DIP2A: variants seen among roughly 807,000 people sequenced by gnomAD.
DIP2A encodes the protein disco-interacting protein 2 homolog A.
DIP2A carries 85 observed loss-of-function variants against 177.4 expected under a neutral mutation model. The ratio of observed to expected loss-of-function variants is 0.48; its 90% CI spans 0.40 to 0.57. The LOEUF (loss-of-function observed/expected upper bound fraction) is 0.57. Among genes scored for constraint, DIP2A ranks in the 20% least tolerant of loss-of-function variants. DIP2A has a pLI of 0.00. For missense variants in DIP2A, 1,791 were observed against 2,100.2 expected (o/e 0.85, Z 2.88); for synonymous variants, 886 against 881.8 (o/e 1.00, Z -0.08).
At chr21:46,555,730 T>C in intron 28 of DIP2A, 1 of 517,430 alleles carries the variant, frequency 1.9e-6, no homozygotes, top group East Asian at 3.5e-5. Flanking sequence ...GCCTCCCCTC[T>C]TCGCCCTGCC....
intron 15 of DIP2A, 75 bp from the exon 16 acceptor site, chr21:46,538,408 G>T (rs1052884415): frequency 1.3e-6 from 2 of 1,507,514 alleles, no homozygotes; most frequent in Admixed American, 2.0e-5. Flanking sequence ...GTGGGATGAG[G>T]TACACGTGTC....
rs753440126 is a variant in DIP2A at position 46,545,947 on chromosome 21, G to A, written c.2380G>A (p.Gly794Ser). Reference protein sequence around the residue: ...DRPFTRTGLLGFIGPDNLVFI... With the variant: ...DRPFTRTGLLSFIGPDNLVFI... Reference sequence around the variant, plus strand: ...GCCATTCACCAGGACAGGCCTGCTGGGCTTCATCGGGCCTGTGAGTATGTC... The same window carrying A: ...GCCATTCACCAGGACAGGCCTGCTGAGCTTCATCGGGCCTGTGAGTATGTC... The change falls in exon 20 of 38, where the codon GGC (glycine) becomes AGC (serine). Residue 794 changes from glycine to serine, a missense_variant. Transcript: ENST00000417564. 1 of 1,614,000 alleles carries A rather than the reference G, an allele frequency of 6.2e-7. No homozygotes were observed.
At chr21:46,468,707 T>C (rs1410846295) in intron 1 of DIP2A, among the ~76,000 whole-genome samples, 2 of 152,136 alleles carry the variant, frequency 1.3e-5, no homozygotes, top group African/African-American at 4.8e-5. Context: ...AATGTTCTTA[T>C]CACAAACAGG....
At chr21:46,466,324 A>G (rs1452914393) in intron 1 of DIP2A, among the ~76,000 whole-genome samples, 2 of 145,846 alleles carry the variant, frequency 1.4e-5, no homozygotes, top group Non-Finnish European at 3.0e-5. Flanking sequence ...GATAAGAGTT[A>G]TAGATTCTAC....
chr21:46,509,271 A>G lies in DIP2A; in HGVS notation c.799A>G (p.Ser267Gly). ...TCCCGTGACAGGTGTCCCTGTGAAC[A>G]GCAGAGTGTCCTCCAAAATCCAGCA... ...LETADGVPVN[S>G]RVSSKIQQLL... is the part of the protein sequence containing the mutation. The change falls in exon 7 of 38, where the codon AGC (serine) becomes GGC (glycine). Residue 267 changes from serine (S) to glycine (G), a missense_variant. Physicochemically the swap from Ser to Gly is moderately conservative, Grantham distance 56 (BLOSUM62 0). Transcript: ENST00000417564. The G allele has an allele frequency of 6.2e-7, 1 of 1,613,410 alleles. No individual in the cohort carries two copies. The highest frequency in any genetic ancestry group is 8.5e-7 in the Non-Finnish European group (1 of 1,179,652).
chr21:46,567,731 T>A lies in DIP2A; in HGVS notation c.*109T>A, dbSNP rs1052467744. 3.0e-6 allele frequency: 4 copies of A among 1,338,628 alleles called. No individual in the cohort carries two copies. The highest frequency in any genetic ancestry group is 4.0e-6 in the Non-Finnish European group (4 of 993,840). 82.9% of individuals were successfully genotyped at this position (1,338,628 alleles called of 1,614,324 possible). On this transcript the variant is annotated 3_prime_UTR_variant, in exon 38 of 38. Coordinates refer to ENST00000417564, the MANE Select transcript of DIP2A (RefSeq NM_015151.4). ...TCACCGGGACTCGCCCTTCCTGTGC[T>A]CTTACAGATCCCTCTCAACAATCCC...
At chr21:46,541,629 G>A (rs745876588) in intron 17 of DIP2A, 127 bp from the exon 18 acceptor site, 32 of 1,105,032 alleles carry the variant, frequency 2.9e-5, no homozygotes, top group Non-Finnish European at 4.0e-5. Context: ...TAGAACATGC[G>A]TTTCTCACAA....
chr21:46,477,543 T>TTGTGTGTGTGTGTGTG (rs1555874551), intron 1 of DIP2A, among the ~76,000 whole-genome samples: 111 of 87,130 alleles, frequency 1.3e-3, no homozygotes, highest in South Asian at 3.9e-3. Context: ...AAAAAAAGAT[T>TTGTGTGTGTGTGTGTG]TGTGTGTGTG....
chr21:46,492,931 CA>C (rs112638721), intron 3 of DIP2A, among the ~76,000 whole-genome samples: 15 of 135,104 alleles, frequency 1.1e-4, no homozygotes, highest in African/African-American at 3.2e-4. Flanking sequence ...GACTCTGTCT[CA>C]AAAAAAAAAG....
chr21:46,556,065 A>G lies in DIP2A; in HGVS notation c.3472A>G (p.Thr1158Ala). The change falls in exon 29 of 38, where the codon ACC becomes GCC. Residue 1158 changes from threonine to alanine, a missense_variant. Transcript: ENST00000417564. This position sits in a 1 kb window ranked among gnomAD's most constrained non-coding sequence, Gnocchi z 4.5. ...CGCATACTTGGACTTCAGCGTGTCA[A>G]CCACTGGGATATTAGCGGGAGTGAA... is the stretch of plus-strand genomic sequence containing the variant. ...VLAYLDFSVSTTGILAGVKMS... is the reference protein window; with the variant it reads ...VLAYLDFSVSATGILAGVKMS... 2 of 1,613,896 alleles carry G rather than the reference A, an allele frequency of 1.2e-6. No homozygotes were observed. The highest frequency in any genetic ancestry group is 1.3e-5 in the African/African-American group (1 of 75,022).
rs1486823758 is a variant in DIP2A, at chr21:46,556,049, G to A, written c.3456G>A (p.Leu1152=). 6.2e-7 allele frequency: 1 copy of A among 1,613,950 alleles called. No individual in the cohort carries two copies. The part of the protein sequence containing the change: ...RPPSPDVLAY[L]DFSVSTTGIL... The stretch of plus-strand genomic sequence containing the variant: ...CCTCCCCCGATGTCCTCGCATACTT[G>A]GACTTCAGCGTGTCAACCACTGGGA... Residue 1152 remains leucine (L), a synonymous_variant, in exon 29 of 38, where the codon TTG becomes TTA. Coordinates refer to ENST00000417564, the MANE Select transcript of DIP2A (RefSeq NM_015151.4). This position sits in a 1 kb window ranked among gnomAD's most constrained non-coding sequence, Gnocchi z 4.5.
At chr21:46,546,119 TGTG>T in intron 20 of DIP2A, 158 bp downstream of exon 20, 1 of 1,474,404 alleles carries the variant, frequency 6.8e-7, no homozygotes, top group Non-Finnish European at 9.0e-7. Context: ...ACCCTACCTG[TGTG>T]CAGGGCCATC....
rs2058315457 is a variant in DIP2A at position 46,511,568 on chromosome 21, G to C, written c.1056G>C (p.Leu352=). The C allele has an allele frequency of 6.3e-7, 1 of 1,587,540 alleles. No individual in the cohort carries two copies. The highest frequency in any genetic ancestry group is 1.4e-5 in the African/African-American group (1 of 73,670). ...CAACACAGCCCAAATCCCCCTGTCT[G>C]ACTGCCTTGGATACAACTGGGAAAG... ...WGTTQPKSPC[L]TALDTTGKAV... Residue 352 remains leucine, a synonymous_variant, in exon 8 of 38, where the codon CTG becomes CTC. Coordinates refer to ENST00000417564, the MANE Select transcript of DIP2A (RefSeq NM_015151.4).
chr21:46,565,727 C>T lies in DIP2A; in HGVS notation c.4179C>T (p.Ser1393=). 4.3e-6 allele frequency: 7 copies of T among 1,612,400 alleles called. No homozygotes were observed. The highest frequency in any genetic ancestry group is 5.9e-6 in the Non-Finnish European group (7 of 1,179,318). The stretch of plus-strand genomic sequence containing the variant: ...GGGCCCACCAGATCTGGGTAAGCAG[C>T]CCCCACAATGCCACCGGGTACTACA... ...DSHLGEIWVS[S]PHNATGYYTV... Residue 1393 remains serine, a synonymous_variant, in exon 36 of 38, where the codon AGC becomes AGT. Transcript: ENST00000417564.
At chr21:46,534,981 A>C (rs967803970) in intron 13 of DIP2A, among the ~76,000 whole-genome samples, 5 of 152,208 alleles carry the variant, frequency 3.3e-5, no homozygotes, top group Admixed American at 2.6e-4. Flanking sequence ...CATGGAACCT[A>C]TATCCCACTG....
At chr21:46,501,471 G>A (rs1191505684) in intron 5 of DIP2A, among the ~76,000 whole-genome samples, 1 of 151,878 alleles carries the variant, frequency 6.6e-6, no homozygotes, top group Non-Finnish European at 1.5e-5. Context: ...CCACGCTGGA[G>A]TACAGTGGCA....
At position 46,565,723 on chromosome 21, in the gene DIP2A, G is replaced by A. The variant is rs1374238586; in HGVS notation, c.4175G>A (p.Ser1392Asn). The change falls in exon 36 of 38, where the codon AGC becomes AAC. Residue 1392 changes from serine (S) to asparagine (N), a missense_variant. Physicochemically the swap from Ser to Asn is conservative, Grantham distance 46. Coordinates refer to ENST00000417564, the MANE Select transcript of DIP2A (RefSeq NM_015151.4). ...GDSHLGEIWV[S>N]SPHNATGYYT... is the part of the protein sequence containing the mutation. ...CTCTGGGCCCACCAGATCTGGGTAA[G>A]CAGCCCCCACAATGCCACCGGGTAC... 1 of 1,612,772 alleles carries A rather than the reference G, an allele frequency of 6.2e-7. No individual in the cohort carries two copies.
chr21:46,553,697 G>A (rs2839321), intron 25 of DIP2A: 40,595 of 155,694 alleles, frequency 0.26, 5,718 homozygotes, highest in Admixed American at 0.32. Context: ...TAATGGTGTC[G>A]TATGGAATAT....
In DIP2A at chr21:46,556,033, A is replaced by G. The variant is rs1220833716; in HGVS notation, c.3440A>G (p.Asp1147Gly). ...AGCGTTTTCAGGCCCCCCTCCCCCG[A>G]TGTCCTCGCATACTTGGACTTCAGC... ...IASVFRPPSP[D>G]VLAYLDFSVS... The change falls in exon 29 of 38, where the codon GAT becomes GGT. Residue 1147 changes from aspartate to glycine, a missense_variant. Coordinates refer to ENST00000417564, the MANE Select transcript of DIP2A (RefSeq NM_015151.4). The surrounding 1 kb of genome is among the most constrained non-coding windows in gnomAD (Gnocchi z 4.5). 2 of 1,613,892 alleles carry G rather than the reference A, an allele frequency of 1.2e-6. No individual in the cohort carries two copies. Among genetic ancestry groups the G allele is most frequent in the Non-Finnish European group, 1.7e-6 (2 of 1,179,856 alleles).
Sources: gnomAD v4.1 joint callset for allele counts (sites outside exome capture counted in the v4.1 genomes callset) on GRCh38, gnomAD v4.1.1 for gene constraint, Gnocchi (gnomAD v3.1) non-coding constraint, MANE v1.5 for transcripts, NCBI Gene and HGNC (gene_info 2026-07-23, HGNC 2026-07-21) for gene names.